Variants in RASSF8 observed in about 807,000 individuals in gnomAD.
The protein encoded by RASSF8 is Ras association domain family member 8, also known as ras association domain-containing protein 8.
RASSF8 carries 22 observed loss-of-function variants against 48.5 expected under a neutral mutation model. That is an observed-to-expected ratio of 0.45 (90% CI 0.32 to 0.65). The LOEUF is 0.65. Ranked by LOEUF, RASSF8 falls within the 30% of genes least tolerant of loss-of-function variation. RASSF8 has a pLI of 0.03. For missense variants in RASSF8, 418 were observed against 489.2 expected (o/e 0.85, Z 1.37); for synonymous variants, 127 against 171.5 (o/e 0.74, Z 2.03).
chr12:26,049,895 T>A (rs1943453710), intron 2 of RASSF8, among the ~76,000 whole-genome samples: 1 of 152,166 alleles, frequency 6.6e-6, no homozygotes, highest in Non-Finnish European at 1.5e-5. Context: ...ACCATTCTCC[T>A]GGCCTCAGCC....
intron 1 of RASSF8, among the ~76,000 whole-genome samples, chr12:25,992,951 CT>C (rs1942048543): frequency 6.6e-6 from 1 of 152,072 alleles, no homozygotes; most frequent in African/African-American, 2.4e-5. Context: ...AGGATTGGAT[CT>C]TTTGGTTTGT....
intron 2 of RASSF8, among the ~76,000 whole-genome samples, chr12:26,045,849 G>A (rs1004537206): frequency 6.6e-6 from 1 of 152,100 alleles, no homozygotes; most frequent in African/African-American, 2.4e-5. Context: ...TTAAATTAAG[G>A]AATTAGATTC....
chr12:26,058,820 A>G (rs1463674111), intron 3 of RASSF8, among the ~76,000 whole-genome samples: 2 of 152,224 alleles, frequency 1.3e-5, no homozygotes, highest in Non-Finnish European at 2.9e-5. Flanking sequence ...TAATCTGACA[A>G]TCTTGACAGA....
At chr12:25,981,698 C>T (rs932821475) in intron 1 of RASSF8, among the ~76,000 whole-genome samples, 1 of 152,232 alleles carries the variant, frequency 6.6e-6, no homozygotes, top group African/African-American at 2.4e-5. Context: ...AATGACCTTG[C>T]TGTTTCTTGT....
intron 1 of RASSF8, among the ~76,000 whole-genome samples, chr12:25,974,659 C>A (rs1264415544): frequency 6.6e-6 from 1 of 152,036 alleles, no homozygotes; most frequent in Non-Finnish European, 1.5e-5. Flanking sequence ...TTAGATTTTT[C>A]AAATTGAATA....
chr12:25,962,167 C>T lies in RASSF8; in HGVS notation c.-203+3019C>T, dbSNP rs190554120. The stretch of plus-strand genomic sequence containing the variant: ...TCCTTGACATTACTTCAGGATCCTG[C>T]ATGATTTGATCTCTACATCCACTTG... On this transcript the variant is annotated intron_variant, in intron 1 of 5. Transcript: ENST00000689635. 6.8e-4 allele frequency among the ~76,000 whole-genome samples: 104 copies of T among 152,268 alleles called. 1 individual carries two copies. The highest frequency in any genetic ancestry group is 6.7e-3 in the Admixed American group (102 of 15,300).
chr12:25,997,018 T>C (rs1297150081), intron 2 of RASSF8, among the ~76,000 whole-genome samples: 1 of 152,202 alleles, frequency 6.6e-6, no homozygotes, highest in African/African-American at 2.4e-5. Flanking sequence ...AGCTTTCTAC[T>C]AAATTACATT....
At chr12:25,975,130 C>G (rs1941575494) in intron 1 of RASSF8, among the ~76,000 whole-genome samples, 1 of 152,118 alleles carries the variant, frequency 6.6e-6, no homozygotes. Context: ...GAGGAAAGTT[C>G]AGTTTGAGCT....
In RASSF8 at chr12:25,979,840, T is replaced by G. The variant is rs150794101; in HGVS notation, c.-202-15197T>G. On this transcript the variant is annotated intron_variant, in intron 1 of 5. Transcript: ENST00000689635. ...CAGAGACAATACCCTTGAGCAATTT[T>G]TACTAGCAGTAGGGGAGCTGGATCA... 2.4e-3 allele frequency among the ~76,000 whole-genome samples: 356 copies of G among 147,674 alleles called. 1 individual carries two copies. The highest frequency in any genetic ancestry group is 8.6e-3 in the African/African-American group (344 of 39,948).
downstream of RASSF8, among the ~76,000 whole-genome samples, chr12:26,073,434 T>C (rs969631207): frequency 2.0e-5 from 3 of 152,138 alleles, no homozygotes; most frequent in Non-Finnish European, 4.4e-5. Flanking sequence ...GTTAAACCTT[T>C]ACTTAGAAAT....
chr12:26,058,515 T>G (rs1441608399), intron 3 of RASSF8, among the ~76,000 whole-genome samples: 1 of 139,394 alleles, frequency 7.2e-6, no homozygotes, highest in Non-Finnish European at 1.5e-5. Context: ...ATGGGGGCAC[T>G]ACACACATGC....
At chr12:26,012,708 TCTCA>T (rs1647803900) in intron 2 of RASSF8, among the ~76,000 whole-genome samples, 1 of 141,610 alleles carries the variant, frequency 7.1e-6, no homozygotes, top group Non-Finnish European at 1.5e-5. Flanking sequence ...TGAGATAGGG[TCTCA>T]CTCTGTTGCC....
chr12:26,041,967 A>G (rs928323083), intron 2 of RASSF8, among the ~76,000 whole-genome samples: 1 of 152,234 alleles, frequency 6.6e-6, no homozygotes, highest in African/African-American at 2.4e-5. Context: ...TGTTTTATTT[A>G]TGGCAGAATC....
At chr12:25,992,611 G>A (rs549337791) in intron 1 of RASSF8, among the ~76,000 whole-genome samples, 8 of 152,228 alleles carry the variant, frequency 5.3e-5, no homozygotes, top group African/African-American at 1.9e-4. Context: ...GGTAAGGCCC[G>A]CACCTGGGAT....
At chr12:26,057,969 G>C (rs1943646872) in intron 3 of RASSF8, among the ~76,000 whole-genome samples, 1 of 152,162 alleles carries the variant, frequency 6.6e-6, no homozygotes, top group African/African-American at 2.4e-5. Flanking sequence ...ACTTTTATGG[G>C]GTTGTTTGCA....
At chr12:26,025,036 C>A (rs2137080343) in intron 2 of RASSF8, among the ~76,000 whole-genome samples, 1 of 152,210 alleles carries the variant, frequency 6.6e-6, no homozygotes, top group Admixed American at 6.5e-5. Context: ...ATAAAAAAAG[C>A]ATTTGACAAA....
Position 26,068,777 on chromosome 12 carries a change from C to A in RASSF8, c.1219C>A (p.Pro407Thr). The change falls in exon 6 of 6, where the codon CCT becomes ACT. Residue 407 changes from proline (P) to threonine (T), a missense_variant. Coordinates refer to ENST00000689635, the MANE Select transcript of RASSF8 (RefSeq NM_001394098.1). ...CAGTAATCTCCGCATTCTGCAGAAT[C>A]CTATCTCATCTGGTTTTAATCCTGA... ...LPSNLRILQN[P>T]ISSGFNPEGI... is the part of the protein sequence containing the mutation. 1 of 1,537,194 alleles carries A rather than the reference C, an allele frequency of 6.5e-7. No individual in the cohort carries two copies. The highest frequency in any genetic ancestry group is 8.7e-7 in the Non-Finnish European group (1 of 1,146,864).
At chr12:25,989,537 T>C (rs899935074) in intron 1 of RASSF8, among the ~76,000 whole-genome samples, 1 of 152,226 alleles carries the variant, frequency 6.6e-6, no homozygotes, top group African/African-American at 2.4e-5. Flanking sequence ...AAGGAGACTT[T>C]ATTCAAATAG....
chr12:26,067,433 C>T (rs1392981539), intron 4 of RASSF8, 136 bp from the exon 5 acceptor site: 2 of 964,484 alleles, frequency 2.1e-6, no homozygotes, highest in Non-Finnish European at 3.1e-6. Flanking sequence ...TCAATATAAA[C>T]CAGATTTGTT....
Sources: gnomAD v4.1 joint callset for allele counts (sites outside exome capture counted in the v4.1 genomes callset) on GRCh38, gnomAD v4.1.1 for gene constraint, MANE v1.5 for transcripts, NCBI Gene and HGNC (gene_info 2026-07-23, HGNC 2026-07-21) for gene names.